TRAM2: variants seen among roughly 807,000 people sequenced by gnomAD.
The protein encoded by TRAM2 is translocating chain-associated membrane protein 2.
TRAM2 carries 12 observed loss-of-function variants against 51.0 expected under a neutral mutation model. The ratio of observed to expected loss-of-function variants is 0.24; its 90% CI spans 0.15 to 0.38. The LOEUF (loss-of-function observed/expected upper bound fraction) is 0.38. TRAM2 is among the 10% of genes least tolerant of loss of function. TRAM2 has a pLI of 1.00. For synonymous variants in TRAM2, 175 were observed against 179.4 expected, an observed-to-expected ratio of 0.98 and a Z score of 0.20; for missense variants, 361 against 462.0, an observed-to-expected ratio of 0.78 and a Z score of 2.00.
chr6:52,503,274 G>A lies in TRAM2; in HGVS notation c.1040-4C>T. The A allele has an allele frequency of 1.2e-6, 2 of 1,613,622 alleles. No homozygotes were observed. The highest frequency in any genetic ancestry group is 1.7e-6 in the Non-Finnish European group (2 of 1,179,542). On this transcript the variant is annotated splice_region_variant and splice_polypyrimidine_tract_variant and intron_variant, in intron 10 of 10. Coordinates refer to ENST00000182527, the MANE Select transcript of TRAM2 (RefSeq NM_012288.4). ...ACCACTCCATTTTCATGGTAACCTG[G>A]GAAGTGGAGAGAGACAAGCATACAT... is the stretch of plus-strand genomic sequence containing the variant.
At position 52,498,822 on chromosome 6, in the gene TRAM2, CT is replaced by C. The variant is rs2114051064; in HGVS notation, c.*4374del. On this transcript the variant is annotated 3_prime_UTR_variant, in exon 11 of 11. Transcript: ENST00000182527. The stretch of plus-strand genomic sequence containing the variant: ...TGGTGTCCTTGGCTGCCGTCGAGCC[CT>C]GGCAACTGGGGGCTGGCCACGGAGT... The C allele has an allele frequency of 6.5e-6, 1 of 152,704 alleles. No individual in the cohort carries two copies. Among genetic ancestry groups the C allele is most frequent in the African/African-American group, 2.4e-5 (1 of 41,538 alleles). The allele number at this position is 152,704 out of a possible 1,614,324, so 9.5% of individuals were successfully genotyped here. A position where few individuals can be genotyped will look rare whatever the true frequency, so the allele number is the denominator to read the frequency against.
chr6:52,563,397 C>T (rs1425667218), intron 1 of TRAM2, among the ~76,000 whole-genome samples: 2 of 152,110 alleles, frequency 1.3e-5, no homozygotes, highest in African/African-American at 4.8e-5. Flanking sequence ...ATAAACCCAA[C>T]AAGACAAATA....
rs749806882 is a variant in TRAM2, at chr6:52,523,001, A to G, written c.185-6264T>C. On this transcript the variant is annotated intron_variant, in intron 2 of 10. Coordinates refer to ENST00000182527, the MANE Select transcript of TRAM2 (RefSeq NM_012288.4). The stretch of plus-strand genomic sequence containing the variant: ...GAGCTGGTGTCCACTTCTTACTGAC[A>G]TCCCATCTGCTTCTGAGAACTCATG... The G allele has an allele frequency of 5.8e-6, 4 of 685,026 alleles. No individual in the cohort carries two copies. In the East Asian group the frequency reaches 1.1e-4, roughly 19 times the overall value. The allele number at this position is 685,026 out of a possible 1,614,324, so 42.4% of individuals were successfully genotyped here.
intron 2 of TRAM2, chr6:52,529,418 C>G (rs560825993): frequency 1.2e-4 from 18 of 152,020 alleles, no homozygotes; most frequent in African/African-American, 4.3e-4. Context: ...AGATTTTCGC[C>G]CACCTCATTT....
intron 1 of TRAM2, among the ~76,000 whole-genome samples, chr6:52,552,312 C>T (rs1239793164): frequency 2.0e-5 from 3 of 152,264 alleles, no homozygotes; most frequent in South Asian, 2.1e-4. Flanking sequence ...GAGGAGGCAA[C>T]GAAGACAAGA....
chr6:52,535,859 G>C lies in TRAM2; in HGVS notation c.121-13C>G. 5 of 1,612,152 alleles carry C rather than the reference G, an allele frequency of 3.1e-6. No individual in the cohort carries two copies. Among genetic ancestry groups the C allele is most frequent in the Non-Finnish European group, 4.2e-6 (5 of 1,178,890 alleles). ...TCTTGGCTGTGACCTGTAAAACAAA[G>C]GAAAAGAGTTCCAGTTTAGCTTTTG... On this transcript the variant is annotated splice_polypyrimidine_tract_variant and intron_variant, in intron 1 of 10. Coordinates refer to ENST00000182527, the MANE Select transcript of TRAM2 (RefSeq NM_012288.4).
chr6:52,539,323 C>T (rs754199987), intron 1 of TRAM2, among the ~76,000 whole-genome samples: 1 of 152,176 alleles, frequency 6.6e-6, no homozygotes, highest in African/African-American at 2.4e-5. Flanking sequence ...GAGTGTTGGG[C>T]AACCCAAAAG....
chr6:52,562,836 G>A (rs1162884456), intron 1 of TRAM2, among the ~76,000 whole-genome samples: 1 of 152,078 alleles, frequency 6.6e-6, no homozygotes, highest in Non-Finnish European at 1.5e-5. Flanking sequence ...AATTTAGCAG[G>A]GAGCAAGATC....
Position 52,499,722 on chromosome 6 carries a change from C to T in TRAM2, c.*3475G>A, listed in dbSNP as rs28364698. On this transcript the variant is annotated 3_prime_UTR_variant, in exon 11 of 11. Coordinates refer to ENST00000182527, the MANE Select transcript of TRAM2 (RefSeq NM_012288.4). The stretch of plus-strand genomic sequence containing the variant: ...TCCGGTCAAGAGAAGGATCTGTGAA[C>T]GTGGCCAGGGCAGAGGTGTCTATTG... 4,343 of 152,292 alleles carry T rather than the reference C, an allele frequency of 0.029. 116 individuals are homozygous for T. Among genetic ancestry groups the T allele is most frequent in the East Asian group, 0.14 (727 of 5,168 alleles). 9.4% of individuals were successfully genotyped at this position (152,292 alleles called of 1,614,324 possible).
chr6:52,570,787 T>TTCCCCCCCCCC (rs1767663385), intron 1 of TRAM2, among the ~76,000 whole-genome samples: 1 of 57,778 alleles, frequency 1.7e-5, no homozygotes, highest in African/African-American at 6.1e-5. Flanking sequence ...CAATCCTCCC[T>TTCCCCCCCCCC]GCCCACCACC....
chr6:52,509,654 GT>G, intron 4 of TRAM2, 68 bp from the exon 5 acceptor site: 2 of 1,483,992 alleles, frequency 1.3e-6, no homozygotes, highest in Non-Finnish European at 1.9e-6. Flanking sequence ...CCTGGGACCG[GT>G]CCAGGGGTCA....
chr6:52,520,292 C>T (rs559800733), intron 2 of TRAM2, among the ~76,000 whole-genome samples: 3 of 152,252 alleles, frequency 2.0e-5, no homozygotes, highest in Non-Finnish European at 4.4e-5. Flanking sequence ...GCAAGACATG[C>T]GGACTGTACC....
At chr6:52,516,879 G>GC (rs1766561450) in intron 2 of TRAM2, 142 bp from the exon 3 acceptor site, 1 of 664,070 alleles carries the variant, frequency 1.5e-6, no homozygotes, top group Non-Finnish European at 2.6e-6. Context: ...GAAGGTTTCT[G>GC]CCCCAGAATC....
At chr6:52,568,384 C>G (rs940500123) in intron 1 of TRAM2, among the ~76,000 whole-genome samples, 1 of 152,216 alleles carries the variant, frequency 6.6e-6, no homozygotes, top group South Asian at 2.1e-4. Context: ...ACAAGTTGAT[C>G]AAGTACAAAG....
Position 52,562,730 on chromosome 6 carries a change from C to T in TRAM2, c.120+14066G>A, listed in dbSNP as rs539343688. Among the ~76,000 whole-genome samples the T allele has an allele frequency of 5.9e-5, 9 of 152,206 alleles. No individual in the cohort carries two copies. In the South Asian group the frequency reaches 1.5e-3, roughly 25 times the overall value. On this transcript the variant is annotated intron_variant, in intron 1 of 10. Transcript: ENST00000182527. ...CCTTAGCCCCCCACCCCACCACAGG[C>T]CCTGGTGTATGATGTTCCCCTCCCT...
chr6:52,576,449 T>C (rs1271989512), intron 1 of TRAM2, among the ~76,000 whole-genome samples: 1 of 152,238 alleles, frequency 6.6e-6, no homozygotes, highest in Admixed American at 6.5e-5. Flanking sequence ...GCTTGGCTCC[T>C]GGACGCCAGA....
At chr6:52,536,029 C>A (rs1435581409) in intron 1 of TRAM2, among the ~76,000 whole-genome samples, 183 bp from the exon 2 acceptor site, 1 of 152,188 alleles carries the variant, frequency 6.6e-6, no homozygotes, top group African/African-American at 2.4e-5. Flanking sequence ...CCTCTCAATA[C>A]CTGTACCCTG....
intron 9 of TRAM2, 26 bp downstream of exon 9, chr6:52,505,573 T>G: frequency 1.3e-6 from 2 of 1,584,456 alleles, no homozygotes; most frequent in Non-Finnish European, 1.7e-6. Context: ...CCCTGGCTTA[T>G]CACCTTGGAC....
chr6:52,516,160 A>C, intron 3 of TRAM2, 38 bp from the exon 4 acceptor site: 2 of 1,564,408 alleles, frequency 1.3e-6, no homozygotes, highest in Non-Finnish European at 1.8e-6. Context: ...TAATATACAA[A>C]TGTATCCATA....
Sources: allele counts gnomAD v4.1 joint callset (sites outside exome capture counted in the v4.1 genomes callset), GRCh38; gene constraint gnomAD v4.1.1; transcripts MANE v1.5; gene names NCBI Gene and HGNC (gene_info 2026-07-23, HGNC 2026-07-21).